The following NCS1 variants were observed in gnomAD, a reference collection of about 807,000 sequenced individuals.
The protein encoded by NCS1 is neuronal calcium sensor 1, also known as frequenin homolog.
Under a neutral mutation model 28.4 loss-of-function variants are expected in NCS1, and 6 were observed. The ratio of observed to expected loss-of-function variants is 0.21; its 90% CI spans 0.12 to 0.42. The LOEUF (loss-of-function observed/expected upper bound fraction) is 0.42. Ranked by LOEUF, NCS1 falls within the 10% of genes least tolerant of loss-of-function variation. The pLI is 1.00. For synonymous variants in NCS1, 86 were observed against 99.3 expected (o/e 0.87, Z 0.79); for missense variants, 131 against 241.4 (o/e 0.54, Z 3.03).
intron 1 of NCS1, among the ~76,000 whole-genome samples, chr9:130,184,619 CT>C (rs1181185772): frequency 6.6e-6 from 1 of 151,972 alleles, no homozygotes; most frequent in Admixed American, 6.6e-5. Flanking sequence ...CCTTTTCTTT[CT>C]TTTTTTCTTT....
chr9:130,178,925 C>T (rs1368807501), intron 1 of NCS1, among the ~76,000 whole-genome samples: 3 of 96,790 alleles, frequency 3.1e-5, no homozygotes, highest in Non-Finnish European at 6.1e-5. Flanking sequence ...CCTCCCCTTC[C>T]CTCCCCTTCC....
intron 1 of NCS1, among the ~76,000 whole-genome samples, chr9:130,194,149 C>T (rs1010094282): frequency 1.3e-5 from 2 of 152,208 alleles, no homozygotes; most frequent in Non-Finnish European, 2.9e-5. Flanking sequence ...CTTTTGCTCC[C>T]ACCATGTTTG....
At chr9:130,221,335 A>AATAT (rs200564191) in intron 4 of NCS1, among the ~76,000 whole-genome samples, 2 of 139,300 alleles carry the variant, frequency 1.4e-5, no homozygotes, top group African/African-American at 5.4e-5. Flanking sequence ...TGTTATTTTT[A>AATAT]ATATATATAT....
chr9:130,196,762 G>T (rs894848210), intron 1 of NCS1, among the ~76,000 whole-genome samples: 21 of 152,056 alleles, frequency 1.4e-4, no homozygotes, highest in African/African-American at 4.1e-4. Flanking sequence ...AAAAGAAAAA[G>T]GGCATTAGCC....
At chr9:130,204,890 G>T (rs1437772818) in intron 2 of NCS1, among the ~76,000 whole-genome samples, 1 of 152,066 alleles carries the variant, frequency 6.6e-6, no homozygotes, top group Non-Finnish European at 1.5e-5. Flanking sequence ...GGAAACTGAG[G>T]CCCAGGGGGG....
In NCS1 at chr9:130,186,915, G is replaced by A. The variant is rs1554905685; in HGVS notation, c.65-14043G>A. Among the ~76,000 whole-genome samples the A allele has an allele frequency of 6.6e-6, 1 of 152,254 alleles. No homozygotes were observed. The highest frequency in any genetic ancestry group is 6.5e-5 in the Admixed American group (1 of 15,292). On this transcript the variant is annotated intron_variant, in intron 1 of 7. Coordinates refer to ENST00000372398, the MANE Select transcript of NCS1 (RefSeq NM_014286.4). The surrounding 1 kb of genome is among the most constrained non-coding windows in gnomAD (Gnocchi z 4.1). ...ACGAGGGGCACTGACGAGCGATTGA[G>A]CAGCTCAGAGGTGAGCTTATGTGGC...
In NCS1 at chr9:130,226,564, A is replaced by G. The variant is rs1706396655; in HGVS notation, c.*17+60A>G. The G allele has an allele frequency of 3.2e-6, 4 of 1,267,600 alleles. No individual in the cohort carries two copies. In the South Asian group the frequency reaches 5.0e-5, roughly 16 times the overall value. The allele number at this position is 1,267,600 out of a possible 1,614,324, so 78.5% of individuals were successfully genotyped here. On this transcript the variant is annotated intron_variant, in intron 7 of 7. Transcript: ENST00000372398. The surrounding 1 kb of genome is among the most constrained non-coding windows in gnomAD (Gnocchi z 4.8). ...GATGGGTCAGGGGTGAAAACCCAGC[A>G]GCAGGACACCTACGGTTGGCAGGTA...
chr9:130,185,134 A>T (rs1290224256), intron 1 of NCS1, among the ~76,000 whole-genome samples: 1 of 152,088 alleles, frequency 6.6e-6, no homozygotes, highest in Non-Finnish European at 1.5e-5. Flanking sequence ...GGCTACTTCC[A>T]GGGGGGATGT....
At chr9:130,213,476 T>G (rs1275086002) in intron 2 of NCS1, among the ~76,000 whole-genome samples, 1 of 152,002 alleles carries the variant, frequency 6.6e-6, no homozygotes. Context: ...AGACGGGGTT[T>G]CACCGTGTCA....
chr9:130,193,182 C>T (rs1162095592), intron 1 of NCS1, among the ~76,000 whole-genome samples: 1 of 152,202 alleles, frequency 6.6e-6, no homozygotes, highest in Non-Finnish European at 1.5e-5. Flanking sequence ...ACCCTATTCT[C>T]AGGAGATGGT....
chr9:130,216,148 T>G (rs1028579488), intron 2 of NCS1, among the ~76,000 whole-genome samples: 1 of 152,192 alleles, frequency 6.6e-6, no homozygotes, highest in Non-Finnish European at 1.5e-5. Context: ...GGCTTTTCCA[T>G]GTGCGTCCTC....
intron 7 of NCS1, among the ~76,000 whole-genome samples, chr9:130,231,847 A>G (rs1833505018): frequency 6.6e-6 from 1 of 150,932 alleles, no homozygotes; most frequent in African/African-American, 2.4e-5. Flanking sequence ...CCAGTTTCCC[A>G]CATCCTTGCC....
Position 130,186,425 on chromosome 9 carries a change from G to C in NCS1, c.64+13698G>C, listed in dbSNP as rs1335492347. On this transcript the variant is annotated intron_variant, in intron 1 of 7. Coordinates refer to ENST00000372398, the MANE Select transcript of NCS1 (RefSeq NM_014286.4). The surrounding 1 kb of genome is among the most constrained non-coding windows in gnomAD (Gnocchi z 4.1). Reference sequence around the variant, plus strand: ...CTGAAAAATGATTTGCTGTTTACCTGATATTTGAACTTAACAGGGTATCTG... The same window carrying C: ...CTGAAAAATGATTTGCTGTTTACCTCATATTTGAACTTAACAGGGTATCTG... Among the ~76,000 whole-genome samples, 1 of 152,230 alleles carries C rather than the reference G, an allele frequency of 6.6e-6. No individual in the cohort carries two copies. Among genetic ancestry groups the C allele is most frequent in the Admixed American group, 6.5e-5 (1 of 15,286 alleles).
Position 130,191,687 on chromosome 9 carries a change from G to A in NCS1, c.65-9271G>A, listed in dbSNP as rs1194147658. The stretch of plus-strand genomic sequence containing the variant: ...TGAAATGAGGGTTCAGGCTGGTGCC[G>A]GGCAGACCGCAGTCAGCACCCGATG... On this transcript the variant is annotated intron_variant, in intron 1 of 7. Transcript: ENST00000372398. This position sits in a 1 kb window ranked among gnomAD's most constrained non-coding sequence, Gnocchi z 6.4. Among the ~76,000 whole-genome samples the A allele has an allele frequency of 1.3e-5, 2 of 152,224 alleles. No homozygotes were observed. The highest frequency in any genetic ancestry group is 2.9e-5 in the Non-Finnish European group (2 of 68,042).
chr9:130,174,851 A>T (rs1832541226), intron 1 of NCS1, among the ~76,000 whole-genome samples: 1 of 147,064 alleles, frequency 6.8e-6, no homozygotes, highest in Non-Finnish European at 1.5e-5. Flanking sequence ...GAAGCCCATG[A>T]TGGTGGATTC....
chr9:130,221,411 TATAGAGAGAGAG>T (rs1311503272), intron 4 of NCS1, among the ~76,000 whole-genome samples: 28 of 51,988 alleles, frequency 5.4e-4, no homozygotes, highest in East Asian at 3.4e-3. Flanking sequence ...TATATATATA[TATAGAGAGAGAG>T]AGAGAGAGAG....
chr9:130,179,894 C>A (rs571827249), intron 1 of NCS1, among the ~76,000 whole-genome samples: 43 of 152,306 alleles, frequency 2.8e-4, no homozygotes, highest in African/African-American at 9.4e-4. Flanking sequence ...GGTCACACAG[C>A]AAATATGTGG....
rs1833546110 is a variant in NCS1, at chr9:130,234,219, T to C, written c.*1247T>C. On this transcript the variant is annotated 3_prime_UTR_variant, in exon 8 of 8. Coordinates refer to ENST00000372398, the MANE Select transcript of NCS1 (RefSeq NM_014286.4). The surrounding 1 kb of genome is among the most constrained non-coding windows in gnomAD (Gnocchi z 6.1). Reference sequence around the variant, plus strand: ...GCCTTCCCTCCTTCCTATCTGCTTTTTCCAGTAAACTGCATGGTGTCCTTC... The same window carrying C: ...GCCTTCCCTCCTTCCTATCTGCTTTCTCCAGTAAACTGCATGGTGTCCTTC... The C allele has an allele frequency of 6.6e-6, 1 of 152,318 alleles. No individual in the cohort carries two copies. The highest frequency in any genetic ancestry group is 1.5e-5 in the Non-Finnish European group (1 of 68,098). 9.4% of individuals were successfully genotyped at this position (152,318 alleles called of 1,614,324 possible). A position where few individuals can be genotyped will look rare whatever the true frequency, so the allele number is the denominator to read the frequency against.
At position 130,215,204 on chromosome 9, in the gene NCS1, G is replaced by A. The variant is rs1833164966; in HGVS notation, c.90-2628G>A. 6.6e-6 allele frequency among the ~76,000 whole-genome samples: 1 copy of A among 152,210 alleles called. No homozygotes were observed. Among genetic ancestry groups the A allele is most frequent in the Non-Finnish European group, 1.5e-5 (1 of 68,042 alleles). ...GTCATTAAGTCCTGGTGCCAGGCAT[G>A]TTCCCTCCTCTGCCCAGGGGCCCAT... is the stretch of plus-strand genomic sequence containing the variant. On this transcript the variant is annotated intron_variant, in intron 2 of 7. Coordinates refer to ENST00000372398, the MANE Select transcript of NCS1 (RefSeq NM_014286.4). This position sits in a 1 kb window ranked among gnomAD's most constrained non-coding sequence, Gnocchi z 4.2.
Sources: gnomAD v4.1 joint callset for allele counts (sites outside exome capture counted in the v4.1 genomes callset) on GRCh38, gnomAD v4.1.1 for gene constraint, Gnocchi (gnomAD v3.1) non-coding constraint, MANE v1.5 for transcripts, NCBI Gene and HGNC (gene_info 2026-07-23, HGNC 2026-07-21) for gene names.